EPHA6: variants seen among roughly 807,000 people sequenced by gnomAD.
EPHA6 encodes ephrin type-A receptor 6.
Under a neutral mutation model 112.0 loss-of-function variants are expected in EPHA6, and 50 were observed. The ratio of observed to expected loss-of-function variants is 0.45; its 90% CI spans 0.36 to 0.56. The LOEUF (loss-of-function observed/expected upper bound fraction) is 0.56, where lower values mean the gene tolerates loss of function less well. Ranked by LOEUF, EPHA6 falls within the 20% of genes least tolerant of loss-of-function variation. The pLI is 0.00. For synonymous variants in EPHA6, 529 were observed against 490.7 expected (o/e 1.08, Z -1.03); for missense variants, 1,280 against 1,417.4 (o/e 0.90, Z 1.56).
intron 5 of EPHA6, among the ~76,000 whole-genome samples, chr3:97,400,929 C>T (rs1347318982): frequency 1.3e-5 from 2 of 151,630 alleles, no homozygotes; most frequent in Non-Finnish European, 1.5e-5. Context: ...CTTAATTGTT[C>T]TGGCTAGGAA....
In EPHA6 at chr3:97,302,611, C is replaced by T. The variant is rs551342978; in HGVS notation, c.1606+58324C>T. Among the ~76,000 whole-genome samples the T allele has an allele frequency of 1.6e-3, 241 of 151,414 alleles. 1 individual carries two copies. The highest frequency in any genetic ancestry group is 2.6e-3 in the Non-Finnish European group (173 of 67,728). ...TGCCTTATTACATTAATGATAAGTG[C>T]AAATGTTTAAAAAATAAATTGTCAG... On this transcript the variant is annotated intron_variant, in intron 5 of 17. Coordinates refer to ENST00000389672, the MANE Select transcript of EPHA6 (RefSeq NM_001080448.3).
intron 6 of EPHA6, among the ~76,000 whole-genome samples, chr3:97,442,313 G>A (rs1210443727): frequency 2.6e-5 from 4 of 152,124 alleles, no homozygotes; most frequent in Non-Finnish European, 5.9e-5. Context: ...GGCTGGGCAT[G>A]GTGGTTCACA....
intron 3 of EPHA6, among the ~76,000 whole-genome samples, chr3:97,016,763 T>C (rs1247571085): frequency 1.3e-5 from 2 of 152,326 alleles, no homozygotes; most frequent in East Asian, 3.9e-4. Context: ...TACACTTGTC[T>C]CTTTATGTTG....
At chr3:97,047,167 A>G (rs2045534854) in intron 3 of EPHA6, among the ~76,000 whole-genome samples, 1 of 152,078 alleles carries the variant, frequency 6.6e-6, no homozygotes. Flanking sequence ...AAAAAATACT[A>G]AACATATTGA....
At chr3:97,544,564 G>C (rs2092917585) in intron 11 of EPHA6, among the ~76,000 whole-genome samples, 1 of 152,004 alleles carries the variant, frequency 6.6e-6, no homozygotes, top group Non-Finnish European at 1.5e-5. Flanking sequence ...TTTTTTTGTT[G>C]TGTCTCTGCC....
At chr3:97,223,427 T>TGTTAAAAA (rs1471971209) in intron 3 of EPHA6, among the ~76,000 whole-genome samples, 3 of 152,018 alleles carry the variant, frequency 2.0e-5, no homozygotes, top group Non-Finnish European at 4.4e-5. Context: ...GATAGCTGAG[T>TGTTAAAAA]AAGAGCAAGT....
At chr3:96,934,883 T>A (rs2040500667) in intron 2 of EPHA6, among the ~76,000 whole-genome samples, 1 of 149,614 alleles carries the variant, frequency 6.7e-6, no homozygotes, top group Non-Finnish European at 1.5e-5. Context: ...CTTTAAATAT[T>A]ATCTTTGCTC....
intron 14 of EPHA6, chr3:97,646,255 T>A (rs1576191504): frequency 6.5e-7 from 1 of 1,534,938 alleles, no homozygotes; most frequent in African/African-American, 1.4e-5. Flanking sequence ...AGAAGGGCCA[T>A]GGGAGCCAGT....
At chr3:97,469,479 C>T (rs1398160726) in intron 7 of EPHA6, among the ~76,000 whole-genome samples, 1 of 151,726 alleles carries the variant, frequency 6.6e-6, no homozygotes, top group African/African-American at 2.4e-5. Context: ...TTTTGTCTTG[C>T]TTTCTATCGT....
intron 1 of EPHA6, among the ~76,000 whole-genome samples, chr3:96,858,591 T>C (rs2035831953): frequency 6.6e-6 from 1 of 152,148 alleles, no homozygotes; most frequent in African/African-American, 2.4e-5. Flanking sequence ...CAAATTTAAC[T>C]TGGATAAATA....
intron 11 of EPHA6, among the ~76,000 whole-genome samples, chr3:97,541,439 C>T (rs2092849118): frequency 6.6e-6 from 1 of 152,152 alleles, no homozygotes. Context: ...CAAAAGTCAT[C>T]ATGACTTTGC....
In EPHA6 at chr3:97,064,929, G is replaced by T. The variant is rs1357685079; in HGVS notation, c.1114+76936G>T. Among the ~76,000 whole-genome samples the T allele has an allele frequency of 2.6e-5, 4 of 152,204 alleles. No individual in the cohort carries two copies. In the South Asian group the frequency reaches 6.2e-4, roughly 24 times the overall value. ...AAGCAAATAAATGGAAAGGAGAAAAGACTTGATTAAATTCTCAATTTTTTT... is the reference window on the plus strand; with the variant it reads ...AAGCAAATAAATGGAAAGGAGAAAATACTTGATTAAATTCTCAATTTTTTT... On this transcript the variant is annotated intron_variant, in intron 3 of 17. Coordinates refer to ENST00000389672, the MANE Select transcript of EPHA6 (RefSeq NM_001080448.3).
At chr3:97,039,636 T>G (rs1229779574) in intron 3 of EPHA6, among the ~76,000 whole-genome samples, 1 of 152,036 alleles carries the variant, frequency 6.6e-6, no homozygotes, top group Non-Finnish European at 1.5e-5. Context: ...GGCATTTTAC[T>G]TTTAGCTTGT....
At chr3:96,960,318 T>C (rs981822138) in intron 2 of EPHA6, among the ~76,000 whole-genome samples, 6 of 152,250 alleles carry the variant, frequency 3.9e-5, no homozygotes, top group African/African-American at 1.4e-4. Flanking sequence ...TTCTCTCTTA[T>C]TTCTGGGCAT....
At chr3:97,113,619 GA>G (rs1202100043) in intron 3 of EPHA6, among the ~76,000 whole-genome samples, 2 of 152,108 alleles carry the variant, frequency 1.3e-5, no homozygotes, top group Admixed American at 1.3e-4. Context: ...CCCAAAGGGA[GA>G]ACTGGGTGGC....
At chr3:96,857,901 A>G (rs551906184) in intron 1 of EPHA6, among the ~76,000 whole-genome samples, 97 of 152,256 alleles carry the variant, frequency 6.4e-4, no homozygotes, top group African/African-American at 2.2e-3. Context: ...TGACCCAATA[A>G]CCATGTTTTG....
chr3:97,165,475 G>A (rs1204446043), intron 3 of EPHA6, among the ~76,000 whole-genome samples: 1 of 152,072 alleles, frequency 6.6e-6, no homozygotes, highest in East Asian at 1.9e-4. Flanking sequence ...TGAGCTGCAG[G>A]TGGCATTAAG....
At chr3:97,206,258 C>T (rs1420714075) in intron 3 of EPHA6, among the ~76,000 whole-genome samples, 1 of 151,872 alleles carries the variant, frequency 6.6e-6, no homozygotes, top group African/African-American at 2.4e-5. Flanking sequence ...GGTCTCATTG[C>T]TTCTTTTCTC....
At chr3:97,740,002 G>A (rs1229543000) in intron 16 of EPHA6, among the ~76,000 whole-genome samples, 2 of 152,012 alleles carry the variant, frequency 1.3e-5, no homozygotes. Flanking sequence ...ACAGCATCTG[G>A]AGCAGTGCCT....
Sources: gnomAD v4.1 joint callset for allele counts (sites outside exome capture counted in the v4.1 genomes callset) on GRCh38, gnomAD v4.1.1 for gene constraint, MANE v1.5 for transcripts, NCBI Gene and HGNC (gene_info 2026-07-23, HGNC 2026-07-21) for gene names.